Variants in PLD1 observed in about 807,000 individuals in gnomAD.
PLD1 encodes the protein phospholipase D1.
PLD1 carries 112 observed loss-of-function variants against 137.1 expected under a neutral mutation model. The ratio of observed to expected loss-of-function variants is 0.82; its 90% confidence interval spans 0.70 to 0.96. PLD1 has a LOEUF of 0.96. Among genes scored for constraint, PLD1 ranks in the 40% least tolerant of loss-of-function variants. The pLI is 0.00. For missense variants in PLD1, 1,321 were observed against 1,342.0 expected, an observed-to-expected ratio of 0.98 and a Z score of 0.24; for synonymous variants, 431 against 454.7, an observed-to-expected ratio of 0.95 and a Z score of 0.66.
intron 12 of PLD1, among the ~76,000 whole-genome samples, chr3:171,694,828 A>G (rs1489810287): frequency 6.6e-6 from 1 of 152,188 alleles, no homozygotes. Flanking sequence ...AATGGAATAC[A>G]TTACTACTCT....
At chr3:171,769,797 G>A (rs1722214513) in intron 1 of PLD1, among the ~76,000 whole-genome samples, 1 of 152,012 alleles carries the variant, frequency 6.6e-6, no homozygotes, top group South Asian at 2.1e-4. Flanking sequence ...TTTTTAAGCA[G>A]AGAAGAACAT....
rs779941959 is a variant in PLD1, at chr3:171,734,932, C to A, written c.473G>T (p.Arg158Leu). 1 of 1,613,404 alleles carries A rather than the reference C, an allele frequency of 6.2e-7. No individual in the cohort carries two copies. The highest frequency in any genetic ancestry group is 8.5e-7 in the Non-Finnish European group (1 of 1,179,382). Reference sequence around the variant, plus strand: ...TGAACGGGGCAAACTGGGCATCTCTCGAGGCTCCTCTCTGACGTTTTGCCT... The same window carrying A: ...TGAACGGGGCAAACTGGGCATCTCTAGAGGCTCCTCTCTGACGTTTTGCCT... The part of the protein sequence containing the change: ...FRRQNVREEP[R>L]EMPSLPRSSE... Residue 158 changes from arginine to leucine, a missense_variant, in exon 5 of 27, where the codon CGA becomes CTA. Transcript: ENST00000351298.
chr3:171,731,723 G>C (rs1461690780), intron 6 of PLD1, among the ~76,000 whole-genome samples: 2 of 151,794 alleles, frequency 1.3e-5, no homozygotes, highest in Non-Finnish European at 2.9e-5. Flanking sequence ...AGTGAGCCGA[G>C]ATCATGCCAC....
At chr3:171,737,737 C>T in intron 2 of PLD1, 78 bp from the exon 3 acceptor site, 1 of 1,290,704 alleles carries the variant, frequency 7.7e-7, no homozygotes, top group East Asian at 2.4e-5. Context: ...TTTTAAGAAT[C>T]ACGTGTTAAA....
In PLD1 at chr3:171,602,050, C is replaced by T. The variant is rs951227773; in HGVS notation, c.*1028G>A. The T allele has an allele frequency of 9.9e-5, 15 of 152,138 alleles. No homozygotes were observed. The highest frequency in any genetic ancestry group is 3.6e-4 in the African/African-American group (15 of 41,440). 9.4% of individuals were successfully genotyped at this position (152,138 alleles called of 1,614,324 possible). A position where few individuals can be genotyped will look rare whatever the true frequency, so the allele number is the denominator to read the frequency against. On this transcript the variant is annotated 3_prime_UTR_variant, in exon 27 of 27. Transcript: ENST00000351298. ...CCTGAATGTCAAACAAGGTTAGACT[C>T]ATACTTACTAACTTGGTAGGAGTTA...
In PLD1 at chr3:171,612,462, C is replaced by T. The variant is rs755402279; in HGVS notation, c.2729-30G>A. 1.2e-6 allele frequency: 2 copies of T among 1,608,978 alleles called. No individual in the cohort carries two copies. The highest frequency in any genetic ancestry group is 1.7e-6 in the Non-Finnish European group (2 of 1,175,828). ...AAGGAGAAACAGTGAGGCTGAACAA[C>T]CTTCCTGTTGTGGCAGACACTGTTG... On this transcript the variant is annotated intron_variant, in intron 24 of 26. Transcript: ENST00000351298. This position sits in a 1 kb window ranked among gnomAD's most constrained non-coding sequence, Gnocchi z 4.1.
rs190550226 is a variant in PLD1, at chr3:171,697,480, C to T, written c.1227+2265G>A. 1.9e-4 allele frequency among the ~76,000 whole-genome samples: 29 copies of T among 152,066 alleles called. No homozygotes were observed. The East Asian group carries it at 5.6e-3, about 29-fold the overall frequency. Reference sequence around the variant, plus strand: ...TGATCAGACCACCCCTGCTTCCCCACACCGCCCTGCCCCGCACAGTACTGC... The same window carrying T: ...TGATCAGACCACCCCTGCTTCCCCATACCGCCCTGCCCCGCACAGTACTGC... On this transcript the variant is annotated intron_variant, in intron 12 of 26. Transcript: ENST00000351298.
Position 171,644,978 on chromosome 3 carries a change from T to C in PLD1, c.2475A>G (p.Pro825=), listed in dbSNP as rs1244504012. 3 of 1,613,932 alleles carry C rather than the reference T, an allele frequency of 1.9e-6. No individual in the cohort carries two copies. Among genetic ancestry groups the C allele is most frequent in the East Asian group, 4.5e-5 (2 of 44,894 alleles). ...CGGTTGAAATGTCTCCTTCGAACCCTGGCAGAAGTGGTATCACGACATATA... is the reference window on the plus strand; with the variant it reads ...CGGTTGAAATGTCTCCTTCGAACCCCGGCAGAAGTGGTATCACGACATATA... The part of the protein sequence containing the change: ...YRVYVVIPLL[P]GFEGDISTGG... Residue 825 remains proline, a synonymous_variant, in exon 22 of 27, where the codon CCA becomes CCG. Coordinates refer to ENST00000351298, the MANE Select transcript of PLD1 (RefSeq NM_002662.5).
At chr3:171,763,269 G>A (rs1212648890) in intron 1 of PLD1, among the ~76,000 whole-genome samples, 2 of 151,514 alleles carry the variant, frequency 1.3e-5, no homozygotes, top group Non-Finnish European at 2.9e-5. Flanking sequence ...TTAAAAACAT[G>A]CTATAGACCA....
chr3:171,610,352 C>T (rs1391223398), intron 25 of PLD1, among the ~76,000 whole-genome samples: 1 of 151,988 alleles, frequency 6.6e-6, no homozygotes, highest in African/African-American at 2.4e-5. Context: ...AACATGTAGG[C>T]CTGCAAAATT....
intron 16 of PLD1, among the ~76,000 whole-genome samples, chr3:171,680,242 CTTTTTTTT>C (rs571538714): frequency 3.9e-5 from 4 of 102,908 alleles, no homozygotes; most frequent in East Asian, 3.0e-4. Flanking sequence ...TTTTCTTCCT[CTTTTTTTT>C]TTTTTTTTTT....
intron 1 of PLD1, among the ~76,000 whole-genome samples, chr3:171,783,943 A>G (rs938505321): frequency 6.6e-6 from 1 of 152,150 alleles, no homozygotes; most frequent in African/African-American, 2.4e-5. Context: ...CACTGCGCCC[A>G]GCCCACCCTC....
chr3:171,651,310 G>A (rs909903471), intron 21 of PLD1, among the ~76,000 whole-genome samples: 2 of 139,598 alleles, frequency 1.4e-5, no homozygotes, highest in African/African-American at 5.8e-5. Context: ...GAAGAATTGT[G>A]GTTAGGGCTT....
rs191281587 is a variant in PLD1 at position 171,710,546 on chromosome 3, T to A, written c.912-837A>T. Among the ~76,000 whole-genome samples, 9 of 152,324 alleles carry A rather than the reference T, an allele frequency of 5.9e-5. No individual in the cohort carries two copies. In the East Asian group the frequency reaches 1.7e-3, roughly 29 times the overall value. On this transcript the variant is annotated intron_variant, in intron 9 of 26. Coordinates refer to ENST00000351298, the MANE Select transcript of PLD1 (RefSeq NM_002662.5). Reference sequence around the variant, plus strand: ...TTCTGTGAGAATCTGATGCTGTGGCTGATCTGACAGAAGGCGGAACTCAGG... The same window carrying A: ...TTCTGTGAGAATCTGATGCTGTGGCAGATCTGACAGAAGGCGGAACTCAGG...
At chr3:171,653,727 T>C (rs1381322776) in intron 21 of PLD1, 1 of 152,268 alleles carries the variant, frequency 6.6e-6, no homozygotes, top group African/African-American at 2.4e-5. Flanking sequence ...GAACAACATA[T>C]TTCCAGATGA....
chr3:171,800,355 T>C (rs552503371), intron 1 of PLD1, among the ~76,000 whole-genome samples: 5 of 152,018 alleles, frequency 3.3e-5, no homozygotes, highest in Admixed American at 6.6e-5. Flanking sequence ...ATTACAGGTG[T>C]GCACCACCAC....
intron 19 of PLD1, among the ~76,000 whole-genome samples, chr3:171,663,163 C>A (rs1270481206): frequency 1.3e-5 from 2 of 152,232 alleles, no homozygotes; most frequent in Non-Finnish European, 2.9e-5. Context: ...CGTCTATATT[C>A]AATCTCACAT....
intron 1 of PLD1, among the ~76,000 whole-genome samples, chr3:171,763,477 GA>G (rs1721566391): frequency 3.6e-5 from 1 of 28,154 alleles, no homozygotes; most frequent in Non-Finnish European, 7.5e-5. Flanking sequence ...GAGGGGAGGG[GA>G]GGGGAGGAGG....
In PLD1 at chr3:171,738,048, A is replaced by G. The variant is rs2108266704; in HGVS notation, c.4T>C (p.Ser2Pro). 1.2e-6 allele frequency: 2 copies of G among 1,612,508 alleles called. No individual in the cohort carries two copies. The highest frequency in any genetic ancestry group is 1.1e-5 in the South Asian group (1 of 90,738). Reference protein sequence around the residue: MSLKNEPRVNTS... With the variant: MPLKNEPRVNTS... ...TTTACCCGTGGCTCGTTTTTCAGTG[A>G]CATGTTAACTTTGGACAGAGTAAAA... Residue 2 changes from serine to proline, a missense_variant, in exon 2 of 27, where the codon TCA becomes CCA. Transcript: ENST00000351298.
Sources: gnomAD v4.1 joint callset for allele counts (sites outside exome capture counted in the v4.1 genomes callset) on GRCh38, gnomAD v4.1.1 for gene constraint, Gnocchi (gnomAD v3.1) non-coding constraint, MANE v1.5 for transcripts, NCBI Gene and HGNC (gene_info 2026-07-23, HGNC 2026-07-21) for gene names.